Variants in PRR16 observed in about 807,000 individuals in gnomAD.
PRR16 encodes proline rich 16, also known as protein Largen.
PRR16 carries 6 observed loss-of-function variants against 18.2 expected under a neutral mutation model. The observed-to-expected ratio is 0.33, with a 90% CI of 0.18 to 0.65. The LOEUF is 0.65. Ranked by LOEUF, PRR16 falls within the 30% of genes least tolerant of loss-of-function variation. PRR16 has a pLI of 0.74. For synonymous variants in PRR16, 151 were observed against 147.8 expected (o/e 1.02, Z -0.16); for missense variants, 412 against 376.6 (o/e 1.09, Z -0.78).
chr5:120,614,075 T>C (rs147751314), intron 1 of PRR16, among the ~76,000 whole-genome samples: 2 of 152,338 alleles, frequency 1.3e-5, no homozygotes, highest in South Asian at 2.1e-4. Context: ...GGGTGTTTGT[T>C]TGATCTCCAG....
At chr5:120,705,215 T>C in the PRR16 span, among the ~76,000 whole-genome samples, 1 of 152,118 alleles carries the variant, frequency 6.6e-6, no homozygotes, top group Non-Finnish European at 1.5e-5. Context: ...TATGTATATA[T>C]AATGTTATGT....
chr5:120,731,385 T>C, the PRR16 span, among the ~76,000 whole-genome samples: 11 of 152,168 alleles, frequency 7.2e-5, no homozygotes, highest in African/African-American at 2.7e-4. Context: ...GGGATTGCTG[T>C]TGTCACAGTG....
chr5:120,519,821 A>G (rs746380783), intron 1 of PRR16, among the ~76,000 whole-genome samples: 1 of 152,154 alleles, frequency 6.6e-6, no homozygotes, highest in Non-Finnish European at 1.5e-5. Flanking sequence ...AATAACATAA[A>G]TAAAATCCCT....
chr5:120,736,145 A>G, the PRR16 span, among the ~76,000 whole-genome samples: 6 of 152,184 alleles, frequency 3.9e-5, no homozygotes, highest in African/African-American at 1.4e-4. Flanking sequence ...GGTTTTAATT[A>G]TGGGCTGTTG....
intron 1 of PRR16, among the ~76,000 whole-genome samples, chr5:120,618,027 G>T (rs1020789006): frequency 6.6e-6 from 1 of 151,972 alleles, no homozygotes; most frequent in African/African-American, 2.4e-5. Flanking sequence ...GTGCTTCTGG[G>T]ACAATCATTT....
intron 1 of PRR16, among the ~76,000 whole-genome samples, chr5:120,467,921 A>T (rs1749153993): frequency 6.6e-6 from 1 of 152,162 alleles, no homozygotes; most frequent in African/African-American, 2.4e-5. Context: ...TGTTCCAAGT[A>T]CTATAACACC....
chr5:120,739,171 C>G, the PRR16 span, among the ~76,000 whole-genome samples: 1 of 151,976 alleles, frequency 6.6e-6, no homozygotes, highest in African/African-American at 2.4e-5. Context: ...GCTGAAAAAC[C>G]AAAGTTTCTG....
chr5:120,790,873 A>C, the PRR16 span: 1 of 152,168 alleles, frequency 6.6e-6, no homozygotes, highest in African/African-American at 2.4e-5. Context: ...TTATCTAATA[A>C]AAAATGGATT....
At chr5:120,675,355 T>C (rs927194923) in intron 1 of PRR16, among the ~76,000 whole-genome samples, 2 of 152,210 alleles carry the variant, frequency 1.3e-5, no homozygotes, top group African/African-American at 4.8e-5. Context: ...TATTAGCTGT[T>C]ACTATGTTGC....
intron 1 of PRR16, among the ~76,000 whole-genome samples, chr5:120,682,714 CAG>C (rs1328413299): frequency 1.3e-5 from 2 of 152,178 alleles, no homozygotes; most frequent in Non-Finnish European, 2.9e-5. Context: ...AGTTTCTAGA[CAG>C]AGCTTGAGAA....
intron 1 of PRR16, among the ~76,000 whole-genome samples, chr5:120,605,384 G>T (rs1754121531): frequency 6.6e-6 from 1 of 151,974 alleles, no homozygotes; most frequent in Non-Finnish European, 1.5e-5. Context: ...AGTTCAGTTT[G>T]GTTCTTTCTT....
intron 1 of PRR16, among the ~76,000 whole-genome samples, chr5:120,578,681 T>C (rs954051136): frequency 2.5e-4 from 38 of 152,234 alleles, no homozygotes; most frequent in African/African-American, 8.2e-4. Flanking sequence ...ATGTATTTGC[T>C]ACTGTAAATA....
At chr5:120,582,753 T>C (rs1277861600) in intron 1 of PRR16, among the ~76,000 whole-genome samples, 2 of 149,876 alleles carry the variant, frequency 1.3e-5, no homozygotes, top group East Asian at 3.9e-4. Flanking sequence ...TTTCAAATAG[T>C]CTGTCAATAA....
intron 1 of PRR16, among the ~76,000 whole-genome samples, chr5:120,529,030 T>C (rs1751461190): frequency 6.6e-6 from 1 of 152,154 alleles, no homozygotes; most frequent in Admixed American, 6.5e-5. Flanking sequence ...TTTTTTATGA[T>C]TCAATTTTTG....
chr5:120,606,645 A>G (rs1179731519), intron 1 of PRR16, among the ~76,000 whole-genome samples: 2 of 152,266 alleles, frequency 1.3e-5, no homozygotes, highest in South Asian at 4.1e-4. Flanking sequence ...GTTCTTGCCT[A>G]TAATCCCAGC....
chr5:120,622,389 A>T (rs1754718731), intron 1 of PRR16, among the ~76,000 whole-genome samples: 1 of 152,012 alleles, frequency 6.6e-6, no homozygotes, highest in Non-Finnish European at 1.5e-5. Context: ...CTTATTCATT[A>T]CTCTAATATT....
At chr5:120,714,378 C>T in the PRR16 span, among the ~76,000 whole-genome samples, 1 of 152,078 alleles carries the variant, frequency 6.6e-6, no homozygotes, top group Non-Finnish European at 1.5e-5. Context: ...TGTATGACTC[C>T]TGTAAGTGAC....
At chr5:120,768,653 GAATT>G in the PRR16 span, among the ~76,000 whole-genome samples, 11 of 151,534 alleles carry the variant, frequency 7.3e-5, no homozygotes, top group Non-Finnish European at 1.3e-4. Context: ...AAGGTTTGCA[GAATT>G]ATTTTGAAAA....
chr5:120,723,834 A>C, the PRR16 span, among the ~76,000 whole-genome samples: 4 of 151,904 alleles, frequency 2.6e-5, no homozygotes, highest in Non-Finnish European at 5.9e-5. Flanking sequence ...TAAATATTCA[A>C]AATACTTTAT....
Sources: allele counts gnomAD v4.1 joint callset (sites outside exome capture counted in the v4.1 genomes callset), GRCh38; gene constraint gnomAD v4.1.1; transcripts MANE v1.5; gene names NCBI Gene and HGNC (gene_info 2026-07-23, HGNC 2026-07-21).